Variants in CDNF observed in about 807,000 individuals in gnomAD.
CDNF encodes the protein cerebral dopamine neurotrophic factor.
A neutral mutation model predicts 14.8 loss-of-function variants in CDNF; 9 were observed. The observed-to-expected ratio is 0.61, with a 90% CI of 0.37 to 1.06. The LOEUF is 1.06. CDNF is among the 50% of genes least tolerant of loss of function. The pLI is 0.01. For missense variants in CDNF, 228 were observed against 228.4 expected (o/e 1.00, Z 0.01); for synonymous variants, 86 against 87.2 (o/e 0.99, Z 0.07).
rs757941699 is a variant in CDNF at position 14,828,182 on chromosome 10, CT to C, written c.205del (p.Ser69ValfsTer17). The C allele has an allele frequency of 1.7e-5, 27 of 1,613,304 alleles. No individual in the cohort carries two copies. The highest frequency in any genetic ancestry group is 2.3e-5 in the Non-Finnish European group (27 of 1,179,646). The part of the protein sequence containing the change: ...SLDTIEKELI[S>X]FCLDTKGKEN... ...TTTTCCTTTGGTGTCCAAGCAAAAA[CT>C]GATCAATTCTTTCTCTATAGTGTCC... is the stretch of plus-strand genomic sequence containing the variant. On this transcript the variant is annotated frameshift_variant, in exon 2 of 4. Transcript: ENST00000465530. LOFTEE classifies it high-confidence loss of function.
At chr10:14,821,275 C>T (rs1463243561) in intron 3 of CDNF, among the ~76,000 whole-genome samples, 1 of 152,140 alleles carries the variant, frequency 6.6e-6, no homozygotes, top group Non-Finnish European at 1.5e-5. Flanking sequence ...CAGGCACCCA[C>T]CATCATGCCC....
chr10:14,832,413 G>A (rs1259875403), intron 1 of CDNF, among the ~76,000 whole-genome samples: 3 of 152,210 alleles, frequency 2.0e-5, no homozygotes, highest in Admixed American at 1.3e-4. Flanking sequence ...AGCTTGGTAA[G>A]GTCTCTGGAT....
chr10:14,825,284 T>C (rs1440103944), intron 3 of CDNF, among the ~76,000 whole-genome samples, 195 bp downstream of exon 3: 1 of 152,114 alleles, frequency 6.6e-6, no homozygotes, highest in Non-Finnish European at 1.5e-5. Flanking sequence ...TAATGCTGAT[T>C]ATGCCTGTAC....
chr10:14,826,445 G>GAAGAAGA, intron 2 of CDNF, among the ~76,000 whole-genome samples: 1 of 145,618 alleles, frequency 6.9e-6, no homozygotes, highest in Admixed American at 7.0e-5. Context: ...GAAAGAAGCA[G>GAAGAAGA]AAGAAGCAGA....
At chr10:14,832,166 G>C (rs1301636352) in intron 1 of CDNF, among the ~76,000 whole-genome samples, 2 of 152,206 alleles carry the variant, frequency 1.3e-5, no homozygotes, top group African/African-American at 4.8e-5. Flanking sequence ...CTTAGATAAA[G>C]TGATATTCAA....
chr10:14,826,362 C>T (rs1011007301), intron 2 of CDNF, among the ~76,000 whole-genome samples: 2 of 134,662 alleles, frequency 1.5e-5, no homozygotes, highest in African/African-American at 2.8e-5. Context: ...GCAGCAGAAG[C>T]AGAAGAAGAG....
chr10:14,826,017 AAGAAGAAGAAGG>A lies in CDNF; in HGVS notation c.244-409_244-398del, dbSNP rs1438384104. Among the ~76,000 whole-genome samples, 237 of 124,828 alleles carry A rather than the reference AAGAAGAAGAAGG, an allele frequency of 1.9e-3. 2 individuals are homozygous for A. The highest frequency in any genetic ancestry group is 0.016 in the South Asian group (55 of 3,396). 81.9% of individuals were successfully genotyped at this position (124,828 alleles called of 152,430 possible). On this transcript the variant is annotated intron_variant, in intron 2 of 3. Coordinates refer to ENST00000465530, the MANE Select transcript of CDNF (RefSeq NM_001029954.3). The stretch of plus-strand genomic sequence containing the variant: ...GAAGCAGCAGAAGAAGCAGAAGCAG[AAGAAGAAGAAGG>A]AGAAGAAGAAGAAGAAGAAGAAGAA...
At position 14,824,344 on chromosome 10, in the gene CDNF, G is replaced by A. The variant is rs148447734; in HGVS notation, c.385+1135C>T. 9.9e-5 allele frequency among the ~76,000 whole-genome samples: 15 copies of A among 152,174 alleles called. No homozygotes were observed. The East Asian group carries it at 1.9e-3, about 20-fold the overall frequency. ...CTCCTGGCCGGGCATGGTGGCTTAC[G>A]CCTGTCATCCTAGCACTTTGAGAGG... is the stretch of plus-strand genomic sequence containing the variant. On this transcript the variant is annotated intron_variant, in intron 3 of 3. Coordinates refer to ENST00000465530, the MANE Select transcript of CDNF (RefSeq NM_001029954.3).
At chr10:14,822,791 C>G (rs755808340) in intron 3 of CDNF, among the ~76,000 whole-genome samples, 3 of 152,140 alleles carry the variant, frequency 2.0e-5, no homozygotes, top group Non-Finnish European at 2.9e-5. Context: ...TTTGTCAAAA[C>G]CTTCCGGTAA....
intron 2 of CDNF, among the ~76,000 whole-genome samples, chr10:14,826,164 A>C (rs28466276): frequency 6.2e-5 from 9 of 145,904 alleles, no homozygotes; most frequent in South Asian, 2.1e-4. Context: ...GAAGAAGAAG[A>C]AGCAGAAGCA....
At position 14,838,001 on chromosome 10, in the gene CDNF, T is replaced by C. The variant is rs111721785; in HGVS notation, c.-55A>G. The C allele has an allele frequency of 1.2e-3, 1,597 of 1,351,184 alleles. 15 individuals are homozygous for C. In the African/African-American group the frequency reaches 0.02, roughly 17 times the overall value. The allele number at this position is 1,351,184 out of a possible 1,614,324, so 83.7% of individuals were successfully genotyped here. The stretch of plus-strand genomic sequence containing the variant: ...CACCCGCGCCCACCGCCCACCAAGC[T>C]GCCAAAGCGAGCTGAGCAGAATTCG... On this transcript the variant is annotated 5_prime_UTR_variant, in exon 1 of 4. Coordinates refer to ENST00000465530, the MANE Select transcript of CDNF (RefSeq NM_001029954.3).
Position 14,838,012 on chromosome 10 carries a change from G to T in CDNF, c.-66C>A. On this transcript the variant is annotated 5_prime_UTR_variant, in exon 1 of 4. Transcript: ENST00000465530. ...ACCGCCCACCAAGCTGCCAAAGCGA[G>T]CTGAGCAGAATTCGAGGTTGGAAAG... The T allele has an allele frequency of 8.1e-7, 1 of 1,228,562 alleles. No individual in the cohort carries two copies. Among genetic ancestry groups the T allele is most frequent in the Non-Finnish European group, 1.2e-6 (1 of 863,322 alleles). 76.1% of individuals were successfully genotyped at this position (1,228,562 alleles called of 1,614,324 possible).
chr10:14,819,736 CAT>C lies in CDNF; in HGVS notation c.*242_*243del, dbSNP rs1833721440. ...TTAGGAGACAGGCAATGAAAACTGG[CAT>C]AGTCATTCCAAGAAACTTATGAGAA... On this transcript the variant is annotated 3_prime_UTR_variant, in exon 4 of 4. Transcript: ENST00000465530. 3 of 370,266 alleles carry C rather than the reference CAT, an allele frequency of 8.1e-6. No homozygotes were observed. Among genetic ancestry groups the C allele is most frequent in the Admixed American group, 4.5e-5 (1 of 22,046 alleles). The allele number at this position is 370,266 out of a possible 1,614,324, so 22.9% of individuals were successfully genotyped here.
Position 14,819,973 on chromosome 10 carries a change from T to C in CDNF, c.*7A>G, listed in dbSNP as rs920235044. 3.1e-6 allele frequency: 5 copies of C among 1,610,888 alleles called. No homozygotes were observed. Among genetic ancestry groups the C allele is most frequent in the African/African-American group, 2.7e-5 (2 of 74,766 alleles). On this transcript the variant is annotated 3_prime_UTR_variant, in exon 4 of 4. Transcript: ENST00000465530. Reference sequence around the variant, plus strand: ...ATTACAAGTCACAAATGTGCTGGCATTGGAGATCAGAGCTCTGTTTTGGGG... The same window carrying C: ...ATTACAAGTCACAAATGTGCTGGCACTGGAGATCAGAGCTCTGTTTTGGGG...
intron 2 of CDNF, 42 bp downstream of exon 2, chr10:14,828,103 C>T (rs769840940): frequency 1.9e-6 from 3 of 1,606,686 alleles, no homozygotes; most frequent in Admixed American, 1.7e-5. Context: ...TAGCAGTATT[C>T]TTCAAGCACA....
rs1373723749 is a variant in CDNF, at chr10:14,828,183, T to G, written c.205A>C (p.Ser69Arg). The change falls in exon 2 of 4, where the codon AGT becomes CGT. Residue 69 changes from serine (S) to arginine (R), a missense_variant. Physicochemically the swap from Ser to Arg is moderately radical, Grantham distance 110. Transcript: ENST00000465530. ...TTTCCTTTGGTGTCCAAGCAAAAAC[T>G]GATCAATTCTTTCTCTATAGTGTCC... ...SLDTIEKELI[S>R]FCLDTKGKEN... 2.5e-6 allele frequency: 4 copies of G among 1,613,626 alleles called. No individual in the cohort carries two copies. The South Asian group carries it at 3.3e-5, about 13-fold the overall frequency.
Position 14,819,249 on chromosome 10 carries a change from G to A in CDNF, c.*731C>T, listed in dbSNP as rs1417756942. The A allele has an allele frequency of 6.6e-6, 1 of 152,204 alleles. No homozygotes were observed. Among genetic ancestry groups the A allele is most frequent in the Non-Finnish European group, 1.5e-5 (1 of 68,034 alleles). The allele number at this position is 152,204 out of a possible 1,614,324, so 9.4% of individuals were successfully genotyped here. On this transcript the variant is annotated 3_prime_UTR_variant, in exon 4 of 4. Coordinates refer to ENST00000465530, the MANE Select transcript of CDNF (RefSeq NM_001029954.3). ...ATAAAATAGCATTAACAATGGTAAA[G>A]TTCCAAGTTGCCTATGAGTGTTTTT...
At chr10:14,830,584 G>T (rs1833836482) in intron 1 of CDNF, among the ~76,000 whole-genome samples, 1 of 152,152 alleles carries the variant, frequency 6.6e-6, no homozygotes, top group African/African-American at 2.4e-5. Context: ...GGTGGCTTAT[G>T]CCTGTAATCC....
intron 2 of CDNF, among the ~76,000 whole-genome samples, chr10:14,826,331 T>G (rs1833792047): frequency 1.6e-5 from 2 of 127,158 alleles, no homozygotes; most frequent in Non-Finnish European, 1.6e-5. Flanking sequence ...AGTGGAGGAA[T>G]CAGAAGCAGC....
Sources: allele counts gnomAD v4.1 joint callset (sites outside exome capture counted in the v4.1 genomes callset), GRCh38; gene constraint gnomAD v4.1.1; transcripts MANE v1.5; gene names NCBI Gene and HGNC (gene_info 2026-07-23, HGNC 2026-07-21).